The following ZNF438 variants were observed in gnomAD, a reference collection of about 807,000 sequenced individuals.
ZNF438 encodes zinc finger protein 438.
ZNF438 carries 25 observed loss-of-function variants against 38.0 expected under a neutral mutation model. That is an observed-to-expected ratio of 0.66 (90% CI 0.48 to 0.92). The LOEUF (loss-of-function observed/expected upper bound fraction) is 0.92, where lower values mean the gene tolerates loss of function less well. Ranked by LOEUF, ZNF438 falls within the 40% of genes least tolerant of loss-of-function variation. The pLI is 0.00. For missense variants in ZNF438, 1,007 were observed against 999.6 expected, an observed-to-expected ratio of 1.01 and a Z score of -0.10; for synonymous variants, 372 against 364.1, an observed-to-expected ratio of 1.02 and a Z score of -0.25.
At chr10:30,863,539 A>G (rs1235987830) in intron 4 of ZNF438, among the ~76,000 whole-genome samples, 3 of 152,158 alleles carry the variant, frequency 2.0e-5, no homozygotes, top group Admixed American at 6.5e-5. Flanking sequence ...CTTCTCCATC[A>G]ATATGTTTAT....
At chr10:31,012,737 C>T (rs2055827172) in intron 1 of ZNF438, among the ~76,000 whole-genome samples, 1 of 152,186 alleles carries the variant, frequency 6.6e-6, no homozygotes, top group Non-Finnish European at 1.5e-5. Flanking sequence ...TTTCCTAATC[C>T]ATTAACCATC....
chr10:30,865,019 GTC>G, intron 4 of ZNF438, among the ~76,000 whole-genome samples: 1 of 152,344 alleles, frequency 6.6e-6, no homozygotes, highest in East Asian at 1.9e-4. Flanking sequence ...ACCCAGGACT[GTC>G]TGGCACCAAA....
At position 30,958,632 on chromosome 10, in the gene ZNF438, G is replaced by T. The variant is rs564639690; in HGVS notation, c.-191-16981C>A. On this transcript the variant is annotated intron_variant, in intron 1 of 5. Transcript: ENST00000413025. ...ATGACGTTTTAGTCCATTTATAGAG[G>T]ACCAGAATGTACTAAATGGATGCAA... is the stretch of plus-strand genomic sequence containing the variant. 2.6e-3 allele frequency among the ~76,000 whole-genome samples: 383 copies of T among 146,878 alleles called. 11 individuals are homozygous for T. The highest frequency in any genetic ancestry group is 8.7e-3 in the African/African-American group (356 of 41,148).
chr10:30,893,956 A>C lies in ZNF438; in HGVS notation c.-32+14977T>G, dbSNP rs554623728. Among the ~76,000 whole-genome samples the C allele has an allele frequency of 3.9e-5, 6 of 152,316 alleles. No homozygotes were observed. In the East Asian group the frequency reaches 9.6e-4, roughly 24 times the overall value. On this transcript the variant is annotated intron_variant, in intron 3 of 5. Transcript: ENST00000413025. ...AAACACTGTGACCCTAGCTAAATTT[A>C]TTTTGGTACATTTTGTTAATGAATA...
At chr10:31,022,711 G>A (rs150863077) in intron 1 of ZNF438, among the ~76,000 whole-genome samples, 2 of 152,232 alleles carry the variant, frequency 1.3e-5, no homozygotes, top group East Asian at 3.9e-4. Flanking sequence ...CCAACCGCAC[G>A]ACACACAACA....
intron 1 of ZNF438, among the ~76,000 whole-genome samples, chr10:31,019,138 A>G (rs1213695121): frequency 2.6e-5 from 4 of 152,334 alleles, no homozygotes; most frequent in African/African-American, 4.8e-5. Context: ...TATTCTCCAT[A>G]GTCATCAGAG....
At chr10:30,879,018 C>T (rs1588962321) in intron 3 of ZNF438, among the ~76,000 whole-genome samples, 1 of 152,144 alleles carries the variant, frequency 6.6e-6, no homozygotes, top group Non-Finnish European at 1.5e-5. Context: ...AGGACAGATC[C>T]TTGCAGAGAT....
intron 1 of ZNF438, among the ~76,000 whole-genome samples, chr10:31,017,942 A>C (rs535265003): frequency 2.2e-4 from 34 of 152,366 alleles, no homozygotes; most frequent in African/African-American, 8.2e-4. Flanking sequence ...GAAGTGACAA[A>C]GTATGTGGAA....
intron 1 of ZNF438, among the ~76,000 whole-genome samples, chr10:31,002,486 T>C (rs750210834): frequency 6.6e-6 from 1 of 152,216 alleles, no homozygotes; most frequent in Non-Finnish European, 1.5e-5. Flanking sequence ...TTCCCTCTAA[T>C]ACTGAGTCAT....
At chr10:30,949,097 A>C (rs1263081456) in intron 1 of ZNF438, among the ~76,000 whole-genome samples, 1 of 152,180 alleles carries the variant, frequency 6.6e-6, no homozygotes, top group Non-Finnish European at 1.5e-5. Context: ...GCCAATATTC[A>C]ACATTCTTAA....
chr10:30,945,780 A>C (rs2047339750), intron 1 of ZNF438, among the ~76,000 whole-genome samples: 1 of 112,290 alleles, frequency 8.9e-6, no homozygotes, highest in East Asian at 2.3e-4. Flanking sequence ...TATGTGCCAC[A>C]TTTTCTTAAT....
intron 1 of ZNF438, among the ~76,000 whole-genome samples, chr10:30,982,107 T>C (rs943576437): frequency 6.6e-6 from 1 of 150,574 alleles, no homozygotes; most frequent in Non-Finnish European, 1.5e-5. Flanking sequence ...TTCTTTTTTT[T>C]TTTTTTATTT....
In ZNF438 at chr10:30,943,491, G is replaced by T. The variant is rs374337101; in HGVS notation, c.-191-1840C>A. Among the ~76,000 whole-genome samples, 4 of 152,074 alleles carry T rather than the reference G, an allele frequency of 2.6e-5. No individual in the cohort carries two copies. In the East Asian group the frequency reaches 5.8e-4, roughly 22 times the overall value. On this transcript the variant is annotated intron_variant, in intron 1 of 5. Transcript: ENST00000413025. Reference sequence around the variant, plus strand: ...AGAGAAGAAGAAAACAGAAAAGAGGGGCTTTTAGTATTTAAGATATTGGAA... The same window carrying T: ...AGAGAAGAAGAAAACAGAAAAGAGGTGCTTTTAGTATTTAAGATATTGGAA...
intron 4 of ZNF438, among the ~76,000 whole-genome samples, chr10:30,876,362 T>TA (rs1564546841): frequency 6.6e-6 from 1 of 152,116 alleles, no homozygotes; most frequent in East Asian, 1.9e-4. Context: ...TCCCCGGGGT[T>TA]AGAGTGTACC....
At chr10:30,911,897 G>A (rs2043118179) in intron 2 of ZNF438, among the ~76,000 whole-genome samples, 1 of 152,004 alleles carries the variant, frequency 6.6e-6, no homozygotes, top group African/African-American at 2.4e-5. Context: ...CACCAAAGTG[G>A]TGCCCCTCCT....
chr10:30,889,449 C>T (rs2040399238), intron 3 of ZNF438, among the ~76,000 whole-genome samples: 1 of 152,172 alleles, frequency 6.6e-6, no homozygotes, highest in Non-Finnish European at 1.5e-5. Context: ...CTCACTCTGT[C>T]ACCCTGGATG....
In ZNF438 at chr10:30,915,250, A is replaced by G. The variant is rs375986851; in HGVS notation, c.-114-6235T>C. On this transcript the variant is annotated intron_variant, in intron 2 of 5. Coordinates refer to ENST00000413025, the Ensembl canonical transcript of ZNF438. ...AATGTCATTTAGAACCTTAACTTCA[A>G]TACTTAGGATGAAATTGGCATAATA... Among the ~76,000 whole-genome samples the G allele has an allele frequency of 3.3e-5, 5 of 152,210 alleles. No homozygotes were observed. In the East Asian group the frequency reaches 9.6e-4, roughly 29 times the overall value.
At chr10:30,984,611 A>ATT (rs2052570366) in intron 1 of ZNF438, among the ~76,000 whole-genome samples, 185 bp from the exon 2 acceptor site, 1 of 152,210 alleles carries the variant, frequency 6.6e-6, no homozygotes, top group Non-Finnish European at 1.5e-5. Flanking sequence ...TTTAAAAATG[A>ATT]AAGCATGCAA....
intron 1 of ZNF438, 70 bp from the exon 2 acceptor site, chr10:30,984,496 T>C (rs1005415675): frequency 1.3e-5 from 2 of 152,170 alleles, no homozygotes; most frequent in East Asian, 3.8e-4. Context: ...ATGTAAAAGG[T>C]GCCTTCTTTT....
Sources: gnomAD v4.1 joint callset for allele counts (sites outside exome capture counted in the v4.1 genomes callset) on GRCh38, gnomAD v4.1.1 for gene constraint, MANE v1.5 for transcripts, NCBI Gene and HGNC (gene_info 2026-07-23, HGNC 2026-07-21) for gene names.